The following NAA11 variants were observed in gnomAD, a reference collection of about 807,000 sequenced individuals.
NAA11 encodes N-alpha-acetyltransferase 11, NatA catalytic subunit.
In NAA11, 15 loss-of-function variants were observed where a neutral mutation model predicts 16.1. That is an observed-to-expected ratio of 0.93 (90% confidence interval 0.62 to 1.44). The LOEUF (loss-of-function observed/expected upper bound fraction) is 1.44, where lower values mean the gene tolerates loss of function less well. Among genes scored for constraint, NAA11 ranks in the 40% most tolerant of loss-of-function variants. The pLI, the probability that NAA11 is intolerant of heterozygous loss-of-function variation, is 0.00. For missense variants in NAA11, 298 were observed against 291.3 expected, an observed-to-expected ratio of 1.02 and a Z score of -0.17; for synonymous variants, 122 against 112.4, an observed-to-expected ratio of 1.09 and a Z score of -0.54.
At chr4:79,189,164 ACTTATG>A in the NAA11 span, among the ~76,000 whole-genome samples, 4 of 148,046 alleles carry the variant, frequency 2.7e-5, no homozygotes, top group East Asian at 3.9e-4. Flanking sequence ...AAAAAAAAAA[ACTTATG>A]AAGGAGGCAG....
chr4:79,282,931 C>A (rs1444472717), intron 2 of NAA11, among the ~76,000 whole-genome samples: 1 of 152,018 alleles, frequency 6.6e-6, no homozygotes, highest in Non-Finnish European at 1.5e-5. Context: ...AATAAGGAAC[C>A]AGCAGAGGAA....
At chr4:79,223,646 TAAA>T (rs11348185), downstream of NAA11, among the ~76,000 whole-genome samples, 3 of 145,694 alleles carry the variant, frequency 2.1e-5, no homozygotes, top group Non-Finnish European at 1.5e-5. Context: ...AAAGTATAAT[TAAA>T]AAAAAAAAAA....
At chr4:79,193,944 C>G in the NAA11 span, among the ~76,000 whole-genome samples, 4 of 152,232 alleles carry the variant, frequency 2.6e-5, no homozygotes, top group South Asian at 6.2e-4. Context: ...TCCTTCACAT[C>G]CCTTGTAAGT....
the NAA11 span, among the ~76,000 whole-genome samples, chr4:79,210,355 G>C: frequency 6.6e-6 from 1 of 152,238 alleles, no homozygotes; most frequent in South Asian, 2.1e-4. Flanking sequence ...CATGTTACAA[G>C]GGTAGAATGT....
chr4:79,318,006 C>G (rs1723976753), intron 1 of NAA11, among the ~76,000 whole-genome samples: 1 of 152,170 alleles, frequency 6.6e-6, no homozygotes, highest in Admixed American at 6.5e-5. Flanking sequence ...CCCTCCCTGC[C>G]ATAAGAACAC....
downstream of NAA11, among the ~76,000 whole-genome samples, chr4:79,313,450 T>C (rs577683388): frequency 6.6e-6 from 1 of 152,288 alleles, no homozygotes; most frequent in South Asian, 2.1e-4. Context: ...CTTGTGAAAA[T>C]TGCTCAACTT....
Position 79,325,990 on chromosome 4 carries a change from G to T in NAA11, c.-113C>A, listed in dbSNP as rs897959064. ...TCGAGTCCAGGGGGCTAACACCACC[G>T]GGCTGAATCGTGTGGAGGGCGGATG... On this transcript the variant is annotated 5_prime_UTR_variant, in exon 1 of 2. Coordinates refer to ENST00000286794, the MANE Select transcript of NAA11 (RefSeq NM_032693.3). 1 of 868,814 alleles carries T rather than the reference G, an allele frequency of 1.2e-6. No individual in the cohort carries two copies. The highest frequency in any genetic ancestry group is 1.8e-6 in the Non-Finnish European group (1 of 564,316). 53.8% of individuals were successfully genotyped at this position (868,814 alleles called of 1,614,324 possible). A position where few individuals can be genotyped will look rare whatever the true frequency, so the allele number is the denominator to read the frequency against.
chr4:79,273,247 C>T (rs1722543397), intron 2 of NAA11, among the ~76,000 whole-genome samples: 1 of 151,834 alleles, frequency 6.6e-6, no homozygotes, highest in Non-Finnish European at 1.5e-5. Flanking sequence ...AGATAAGCTA[C>T]CACAAACCAC....
chr4:79,179,450 T>C, the NAA11 span, among the ~76,000 whole-genome samples: 1 of 152,222 alleles, frequency 6.6e-6, no homozygotes. Context: ...ATATATTTTC[T>C]AAAGGCCTAT....
intron 2 of NAA11, among the ~76,000 whole-genome samples, chr4:79,246,126 G>T (rs1048231845): frequency 6.6e-6 from 1 of 152,064 alleles, no homozygotes; most frequent in Non-Finnish European, 1.5e-5. Flanking sequence ...GGGTTAAATG[G>T]ATTAAGGGCA....
chr4:79,169,418 A>G, the NAA11 span, among the ~76,000 whole-genome samples: 1 of 152,194 alleles, frequency 6.6e-6, no homozygotes, highest in Non-Finnish European at 1.5e-5. Flanking sequence ...ATATAGATCA[A>G]TGGAACAGAA....
chr4:79,193,421 T>C, the NAA11 span, among the ~76,000 whole-genome samples: 2 of 152,200 alleles, frequency 1.3e-5, no homozygotes, highest in African/African-American at 4.8e-5. Flanking sequence ...AAGGAAGGGA[T>C]CCAGTTTCAG....
At chr4:79,191,186 C>T in the NAA11 span, among the ~76,000 whole-genome samples, 3 of 152,002 alleles carry the variant, frequency 2.0e-5, no homozygotes, top group African/African-American at 7.2e-5. Context: ...GGGTATATAC[C>T]CAGCAATGGG....
rs138028940 is a variant in NAA11 at position 79,278,263 on chromosome 4, T to G, written c.*122+15742A>C. On this transcript the variant is annotated intron_variant and NMD_transcript_variant, in intron 2 of 2. Coordinates refer to the NAA11 transcript ENST00000511542. ...TGATCTTGTCCCCTCAAATTCATCT[T>G]CCATGCAGTTACCAGTGACTCAGCC... 2.9e-3 allele frequency among the ~76,000 whole-genome samples: 435 copies of G among 152,278 alleles called. 3 individuals carry two copies. Among genetic ancestry groups the G allele is most frequent in the African/African-American group, 0.01 (416 of 41,560 alleles).
intron 2 of NAA11, among the ~76,000 whole-genome samples, chr4:79,244,041 A>G (rs1272041999): frequency 6.6e-6 from 1 of 152,174 alleles, no homozygotes; most frequent in African/African-American, 2.4e-5. Flanking sequence ...GTGTACACGG[A>G]AGATCATACT....
chr4:79,222,764 A>G (rs1288300169), downstream of NAA11, among the ~76,000 whole-genome samples: 1 of 151,324 alleles, frequency 6.6e-6, no homozygotes, highest in African/African-American at 2.4e-5. Context: ...GGGCTAATAT[A>G]CAGAATCTAC....
At chr4:79,194,060 G>T in the NAA11 span, among the ~76,000 whole-genome samples, 1 of 152,062 alleles carries the variant, frequency 6.6e-6, no homozygotes, top group Non-Finnish European at 1.5e-5. Context: ...TGTGATTTTT[G>T]CACATTGATT....
rs551195070 is a variant in NAA11 at position 79,255,874 on chromosome 4, T to C, written c.*123-29604A>G. Among the ~76,000 whole-genome samples the C allele has an allele frequency of 2.9e-4, 44 of 152,310 alleles. 1 individual carries two copies. The South Asian group carries it at 8.7e-3, about 30-fold the overall frequency. ...ATACCCACTTTTAATGGCATGCAGATTAAAAGGTATTTTATGCAGAAATTT... is the reference window on the plus strand; with the variant it reads ...ATACCCACTTTTAATGGCATGCAGACTAAAAGGTATTTTATGCAGAAATTT... On this transcript the variant is annotated intron_variant and NMD_transcript_variant, in intron 2 of 2. Coordinates refer to the NAA11 transcript ENST00000511542.
chr4:79,309,030 AAAGAT>A (rs1560467595), intron 1 of NAA11, among the ~76,000 whole-genome samples: 1 of 152,208 alleles, frequency 6.6e-6, no homozygotes, highest in Non-Finnish European at 1.5e-5. Flanking sequence ...GGATGTATGA[AAAGAT>A]AAGCATACAC....
Sources: allele counts gnomAD v4.1 joint callset (sites outside exome capture counted in the v4.1 genomes callset), GRCh38; gene constraint gnomAD v4.1.1; transcripts MANE v1.5; gene names NCBI Gene and HGNC (gene_info 2026-07-23, HGNC 2026-07-21).